PTPRM: variants seen among roughly 807,000 people sequenced by gnomAD.
PTPRM encodes the protein protein tyrosine phosphatase receptor type M, also known as receptor-type tyrosine-protein phosphatase mu.
A neutral mutation model predicts 186.7 loss-of-function variants in PTPRM; 47 were observed. The ratio of observed to expected loss-of-function variants is 0.25; its 90% CI spans 0.20 to 0.32. The LOEUF (loss-of-function observed/expected upper bound fraction) is 0.32. PTPRM is among the 10% of genes least tolerant of loss of function. The pLI, the probability that PTPRM is intolerant of heterozygous loss-of-function variation, is 1.00. For synonymous variants in PTPRM, 668 were observed against 674.9 expected (o/e 0.99, Z 0.16); for missense variants, 1,494 against 1,865.0 (o/e 0.80, Z 3.66).
chr18:7,719,456 G>A (rs2144846683), intron 1 of PTPRM, among the ~76,000 whole-genome samples: 1 of 152,008 alleles, frequency 6.6e-6, no homozygotes, highest in East Asian at 1.9e-4. Context: ...GGTGACAAGT[G>A]CACCAAAATC....
chr18:8,098,712 C>T (rs973408220), intron 11 of PTPRM, among the ~76,000 whole-genome samples: 1 of 152,102 alleles, frequency 6.6e-6, no homozygotes, highest in African/African-American at 2.4e-5. Flanking sequence ...CAGGCTTATA[C>T]TGACTCCTGC....
chr18:8,309,477 G>T (rs1472616978), intron 20 of PTPRM, among the ~76,000 whole-genome samples: 2 of 152,072 alleles, frequency 1.3e-5, no homozygotes, highest in Non-Finnish European at 2.9e-5. Flanking sequence ...TGTGCACACA[G>T]GAGGTGAAGA....
At chr18:7,873,203 G>A (rs2048063650) in intron 2 of PTPRM, among the ~76,000 whole-genome samples, 1 of 152,162 alleles carries the variant, frequency 6.6e-6, no homozygotes, top group Admixed American at 6.5e-5. Flanking sequence ...AATAGCTCAT[G>A]TAATTTGAGA....
rs1226154585 is a variant in PTPRM, at chr18:7,568,291, G to T, written c.73+400G>T. On this transcript the variant is annotated intron_variant, in intron 1 of 32. Coordinates refer to ENST00000580170, the MANE Select transcript of PTPRM (RefSeq NM_001105244.2). This position sits in a 1 kb window ranked among gnomAD's most constrained non-coding sequence, Gnocchi z 5.1. ...CCGGGCCGCCTGGCGTAGGCGCTGC[G>T]CGGTCCCCGCCGACCCCGAGCAGCG... 6.6e-6 allele frequency among the ~76,000 whole-genome samples: 1 copy of T among 151,780 alleles called. No homozygotes were observed. Among genetic ancestry groups the T allele is most frequent in the Non-Finnish European group, 1.5e-5 (1 of 67,900 alleles).
intron 1 of PTPRM, among the ~76,000 whole-genome samples, chr18:7,713,171 C>G (rs988897637): frequency 6.6e-6 from 1 of 152,182 alleles, no homozygotes; most frequent in African/African-American, 2.4e-5. Flanking sequence ...CAGTGGATCT[C>G]TCTGCAGAAA....
At chr18:8,049,394 AAC>A (rs1309512668) in intron 7 of PTPRM, 1 of 152,226 alleles carries the variant, frequency 6.6e-6, no homozygotes, top group East Asian at 1.9e-4. Context: ...TGTGAGTCAC[AAC>A]ACAGAAACTT....
At chr18:8,273,298 A>G (rs2094794536) in intron 19 of PTPRM, among the ~76,000 whole-genome samples, 1 of 152,120 alleles carries the variant, frequency 6.6e-6, no homozygotes, top group African/African-American at 2.4e-5. Flanking sequence ...CTATATAGGA[A>G]GTTCATGTAA....
chr18:8,174,121 G>A (rs2093447551), intron 14 of PTPRM, among the ~76,000 whole-genome samples: 1 of 151,914 alleles, frequency 6.6e-6, no homozygotes, highest in East Asian at 1.9e-4. Flanking sequence ...ATCCACAGGA[G>A]TAAAGGGAAG....
At chr18:8,118,153 A>G (rs943098029) in intron 13 of PTPRM, among the ~76,000 whole-genome samples, 2 of 152,226 alleles carry the variant, frequency 1.3e-5, no homozygotes, top group African/African-American at 4.8e-5. Flanking sequence ...ATTCATTCTA[A>G]TTGATGTAAC....
At chr18:8,232,175 GGT>G (rs2094295367) in intron 14 of PTPRM, among the ~76,000 whole-genome samples, 4 of 152,154 alleles carry the variant, frequency 2.6e-5, no homozygotes, top group African/African-American at 9.7e-5. Context: ...TAAAATATTA[GGT>G]CAGTGCAAAA....
intron 23 of PTPRM, among the ~76,000 whole-genome samples, chr18:8,344,446 G>GTATATA (rs1412437272): frequency 5.4e-4 from 9 of 16,622 alleles, no homozygotes; most frequent in African/African-American, 6.8e-4. Flanking sequence ...GTGTGTGTGT[G>GTATATA]TGTATATATA....
intron 7 of PTPRM, among the ~76,000 whole-genome samples, chr18:8,045,458 T>C (rs1381865037): frequency 1.3e-5 from 2 of 152,230 alleles, no homozygotes; most frequent in African/African-American, 4.8e-5. Context: ...ACGTCGTATG[T>C]CTACCCGGTG....
intron 2 of PTPRM, chr18:7,815,564 T>G (rs1385346160): frequency 6.6e-6 from 1 of 152,172 alleles, no homozygotes; most frequent in Admixed American, 6.5e-5. Context: ...TTGCCTGCAA[T>G]CCCAGCTACT....
At chr18:7,747,891 G>A (rs773080850) in intron 1 of PTPRM, among the ~76,000 whole-genome samples, 12 of 152,198 alleles carry the variant, frequency 7.9e-5, no homozygotes, top group Non-Finnish European at 1.8e-4. Context: ...CATTTCAAGG[G>A]GACCATTTTT....
intron 7 of PTPRM, among the ~76,000 whole-genome samples, chr18:7,996,139 T>TATCC (rs1159689481): frequency 6.6e-6 from 1 of 152,076 alleles, no homozygotes; most frequent in African/African-American, 2.4e-5. Context: ...ATGTTGAAGT[T>TATCC]ATCCATTTAC....
intron 1 of PTPRM, among the ~76,000 whole-genome samples, chr18:7,622,953 T>G (rs2037975610): frequency 6.6e-6 from 1 of 152,144 alleles, no homozygotes; most frequent in Non-Finnish European, 1.5e-5. Flanking sequence ...TCCAAGATTT[T>G]TTTTCCAGGC....
chr18:8,177,039 A>G (rs1158820963), intron 14 of PTPRM, among the ~76,000 whole-genome samples: 2 of 152,164 alleles, frequency 1.3e-5, no homozygotes, highest in East Asian at 3.9e-4. Flanking sequence ...CTTTTTTCAT[A>G]TTTCTTCTGT....
At chr18:8,346,307 G>A (rs1312965435) in intron 23 of PTPRM, among the ~76,000 whole-genome samples, 1 of 152,210 alleles carries the variant, frequency 6.6e-6, no homozygotes, top group Non-Finnish European at 1.5e-5. Context: ...TCCTGTTCTG[G>A]AGGCTGGAAA....
At chr18:8,267,922 A>G (rs2094721740) in intron 19 of PTPRM, among the ~76,000 whole-genome samples, 1 of 152,132 alleles carries the variant, frequency 6.6e-6, no homozygotes, top group Non-Finnish European at 1.5e-5. Flanking sequence ...TCTTTTGTGA[A>G]TTGTTCGTAT....
Sources: gnomAD v4.1 joint callset for allele counts (sites outside exome capture counted in the v4.1 genomes callset) on GRCh38, gnomAD v4.1.1 for gene constraint, Gnocchi (gnomAD v3.1) non-coding constraint, MANE v1.5 for transcripts, NCBI Gene and HGNC (gene_info 2026-07-23, HGNC 2026-07-21) for gene names.